Variants in ADAM10 observed in about 807,000 individuals in gnomAD.
ADAM10 encodes the protein disintegrin and metalloproteinase domain-containing protein 10.
Under a neutral mutation model 90.1 loss-of-function variants are expected in ADAM10, and 17 were observed. The ratio of observed to expected loss-of-function variants is 0.19; its 90% CI spans 0.13 to 0.28. The LOEUF is 0.28. ADAM10 is among the 10% of genes least tolerant of loss of function. The pLI, the probability that ADAM10 is intolerant of heterozygous loss-of-function variation, is 1.00. For synonymous variants in ADAM10, 310 were observed against 298.6 expected (o/e 1.04, Z -0.40); for missense variants, 610 against 914.3 (o/e 0.67, Z 4.29).
Position 58,611,895 on chromosome 15 carries a change from A to G in ADAM10, c.1608T>C (p.Cys536=). The G allele has an allele frequency of 6.2e-7, 1 of 1,614,224 alleles. No individual in the cohort carries two copies. Among genetic ancestry groups the G allele is most frequent in the Non-Finnish European group, 8.5e-7 (1 of 1,180,036 alleles). Residue 536 remains cysteine (C), a synonymous_variant, in exon 12 of 16, where the codon TGT becomes TGC. Transcript: ENST00000260408. ...CTGGGCAGAGAGCTGTGAAGCCATT[A>G]CATATTCCTTCCCTTGCACAGTCTG... ...DDSDCAREGI[C]NGFTALCPAS...
At chr15:58,628,577 G>A (rs1405942888) in intron 9 of ADAM10, among the ~76,000 whole-genome samples, 3 of 152,118 alleles carry the variant, frequency 2.0e-5, no homozygotes, top group African/African-American at 7.2e-5. Flanking sequence ...ATACAGCATA[G>A]CTCCCTGAAT....
At chr15:58,605,182 A>T (rs1240973129) in intron 14 of ADAM10, among the ~76,000 whole-genome samples, 1 of 152,214 alleles carries the variant, frequency 6.6e-6, no homozygotes, top group African/African-American at 2.4e-5. Flanking sequence ...AGATCAACAG[A>T]TGTATAATAA....
At chr15:58,717,819 G>A (rs1898714558) in intron 1 of ADAM10, 92 bp from the exon 2 acceptor site, 1 of 1,511,326 alleles carries the variant, frequency 6.6e-7, no homozygotes, top group Admixed American at 2.0e-5. Flanking sequence ...GAATATGTAT[G>A]AAACAACTTC....
intron 4 of ADAM10, chr15:58,676,265 G>C (rs1246982394): frequency 2.2e-6 from 1 of 455,576 alleles, no homozygotes; most frequent in Non-Finnish European, 4.4e-6. Flanking sequence ...AGTGACATAA[G>C]TTTTCTAAGC....
chr15:58,631,946 G>C (rs1264663771), intron 9 of ADAM10, among the ~76,000 whole-genome samples: 1 of 152,182 alleles, frequency 6.6e-6, no homozygotes, highest in Non-Finnish European at 1.5e-5. Context: ...AACTTAGTGA[G>C]ATGGCACCTA....
At chr15:58,609,825 T>A (rs897275016) in intron 14 of ADAM10, 1 of 171,732 alleles carries the variant, frequency 5.8e-6, no homozygotes, top group East Asian at 1.5e-4. Context: ...TAATCATTAG[T>A]AGATCTACAA....
At chr15:58,744,448 C>A (rs918303929) in intron 1 of ADAM10, among the ~76,000 whole-genome samples, 1 of 151,960 alleles carries the variant, frequency 6.6e-6, no homozygotes, top group Non-Finnish European at 1.5e-5. Flanking sequence ...AGCAAAGAAA[C>A]CTAACCAAAA....
At chr15:58,631,397 A>C (rs1896095897) in intron 9 of ADAM10, among the ~76,000 whole-genome samples, 1 of 152,128 alleles carries the variant, frequency 6.6e-6, no homozygotes, top group Non-Finnish European at 1.5e-5. Context: ...ACAATAATAT[A>C]ACATTAATTG....
intron 1 of ADAM10, among the ~76,000 whole-genome samples, chr15:58,745,719 A>G (rs564773520): frequency 9.8e-5 from 15 of 152,296 alleles, no homozygotes; most frequent in African/African-American, 3.4e-4. Context: ...GGAACAACAT[A>G]CCCACAGTAC....
intron 9 of ADAM10, among the ~76,000 whole-genome samples, chr15:58,629,723 T>A (rs1386786561): frequency 6.6e-6 from 1 of 152,212 alleles, no homozygotes; most frequent in Non-Finnish European, 1.5e-5. Context: ...CTGACTTATA[T>A]CTAGCTGTAT....
chr15:58,610,712 C>A, intron 13 of ADAM10, 195 bp from the exon 14 acceptor site: 1 of 676,554 alleles, frequency 1.5e-6, no homozygotes. Flanking sequence ...AAACAAGCAA[C>A]CAGCAAGTCT....
intron 1 of ADAM10, among the ~76,000 whole-genome samples, chr15:58,718,495 T>A (rs1477150426): frequency 2.6e-5 from 4 of 152,112 alleles, no homozygotes; most frequent in African/African-American, 9.7e-5. Flanking sequence ...TGTTGAGAAG[T>A]ATTACCTCTT....
intron 4 of ADAM10, among the ~76,000 whole-genome samples, chr15:58,666,759 T>C (rs1430454646): frequency 6.6e-6 from 1 of 152,194 alleles, no homozygotes; most frequent in Non-Finnish European, 1.5e-5. Flanking sequence ...AACTGAATTT[T>C]ATATATCACG....
At chr15:58,658,548 T>G (rs1896887488) in intron 5 of ADAM10, among the ~76,000 whole-genome samples, 1 of 152,144 alleles carries the variant, frequency 6.6e-6, no homozygotes, top group South Asian at 2.1e-4. Context: ...CCACTGGAAG[T>G]CTTGATACTG....
At chr15:58,597,738 C>A in intron 15 of ADAM10, 97 bp from the exon 16 acceptor site, 2 of 1,345,130 alleles carry the variant, frequency 1.5e-6, no homozygotes, top group South Asian at 1.3e-5. Context: ...GGTTTTAGTT[C>A]AGTGCTGTCC....
chr15:58,600,318 A>C (rs1316565278), intron 14 of ADAM10, among the ~76,000 whole-genome samples: 1 of 152,200 alleles, frequency 6.6e-6, no homozygotes, highest in Non-Finnish European at 1.5e-5. Flanking sequence ...TTTAAATTCT[A>C]CTAGTGAATA....
intron 1 of ADAM10, among the ~76,000 whole-genome samples, chr15:58,726,594 T>TAAAAAAAAAAAA (rs1899038694): frequency 1.1e-4 from 7 of 61,472 alleles, no homozygotes; most frequent in Admixed American, 8.8e-4. Flanking sequence ...AAAAAAAAAG[T>TAAAAAAAAAAAA]ATATTACTCC....
chr15:58,664,329 C>T lies in ADAM10; in HGVS notation c.585+768G>A, dbSNP rs111977530. On this transcript the variant is annotated intron_variant, in intron 5 of 15. Transcript: ENST00000260408. ...ATAACCTTTTGAGAATAGCCTTCAT[C>T]TTAATCTCCACATATTCCCAGAACT... 3.5e-3 allele frequency among the ~76,000 whole-genome samples: 527 copies of T among 152,172 alleles called. 5 individuals are homozygous for T. The highest frequency in any genetic ancestry group is 0.012 in the African/African-American group (506 of 41,542).
rs1432924168 is a variant in ADAM10 at position 58,612,848 on chromosome 15, G to GTGC, written c.1512-860_1512-858dup. Among the ~76,000 whole-genome samples the GTGC allele has an allele frequency of 3.0e-4, 45 of 152,196 alleles. 1 individual carries two copies. Among genetic ancestry groups the GTGC allele is most frequent in the Non-Finnish European group, 8.8e-5 (6 of 68,036 alleles). Reference sequence around the variant, plus strand: ...GAGTAACCCAGAGTCACAGATCCTGGTGCTATAGGCAACCTACATTCAATC... The same window carrying GTGC: ...GAGTAACCCAGAGTCACAGATCCTGGTGCTGCTATAGGCAACCTACATTCAATC... On this transcript the variant is annotated intron_variant, in intron 11 of 15. Coordinates refer to ENST00000260408, the MANE Select transcript of ADAM10 (RefSeq NM_001110.4).
Sources: allele counts gnomAD v4.1 joint callset (sites outside exome capture counted in the v4.1 genomes callset), GRCh38; gene constraint gnomAD v4.1.1; transcripts MANE v1.5; gene names NCBI Gene and HGNC (gene_info 2026-07-23, HGNC 2026-07-21).